The following MATCAP2 variants were observed in gnomAD, a reference collection of about 807,000 sequenced individuals.
The protein encoded by MATCAP2 is microtubule associated tyrosine carboxypeptidase 2.
At chr7:36,338,914 T>C in the MATCAP2 span, among the ~76,000 whole-genome samples, 1 of 152,258 alleles carries the variant, frequency 6.6e-6, no homozygotes, top group Non-Finnish European at 1.5e-5. Flanking sequence ...CAGAAAATCT[T>C]TGAATCCACC....
the MATCAP2 span, among the ~76,000 whole-genome samples, chr7:36,365,644 A>G: frequency 6.6e-6 from 1 of 152,308 alleles, no homozygotes; most frequent in South Asian, 2.1e-4. Context: ...GATTGCAGTG[A>G]GCAGAGACAG....
the MATCAP2 span, among the ~76,000 whole-genome samples, chr7:36,374,523 CT>C: frequency 1.3e-5 from 2 of 152,064 alleles, no homozygotes; most frequent in African/African-American, 2.4e-5. Context: ...AGACTTCTTT[CT>C]TTTTTTCTTT....
chr7:36,340,448 A>AT, the MATCAP2 span, among the ~76,000 whole-genome samples: 3 of 152,210 alleles, frequency 2.0e-5, no homozygotes, highest in African/African-American at 7.2e-5. Flanking sequence ...ACATAACAGC[A>AT]TATCACCTCC....
chr7:36,346,810 G>C, the MATCAP2 span, among the ~76,000 whole-genome samples: 1 of 152,024 alleles, frequency 6.6e-6, no homozygotes, highest in South Asian at 2.1e-4. Flanking sequence ...GCCCGGGCTG[G>C]AGTGCAGTGG....
At chr7:36,350,034 GA>G in the MATCAP2 span, among the ~76,000 whole-genome samples, 2 of 152,192 alleles carry the variant, frequency 1.3e-5, no homozygotes, top group Admixed American at 1.3e-4. Flanking sequence ...TTGCTAAACA[GA>G]ATATCATGTC....
the MATCAP2 span, among the ~76,000 whole-genome samples, chr7:36,337,476 T>A: frequency 6.6e-6 from 1 of 152,170 alleles, no homozygotes; most frequent in Non-Finnish European, 1.5e-5. Flanking sequence ...CTATCTTACA[T>A]GAATTGTGTA....
the MATCAP2 span, chr7:36,366,586 TCA>T: frequency 6.7e-6 from 8 of 1,195,698 alleles, no homozygotes; most frequent in Non-Finnish European, 6.9e-6. Flanking sequence ...TGAAGCTTAA[TCA>T]CACACCTAGC....
the MATCAP2 span, among the ~76,000 whole-genome samples, chr7:36,363,078 G>T: frequency 6.6e-6 from 1 of 152,170 alleles, no homozygotes; most frequent in Non-Finnish European, 1.5e-5. Flanking sequence ...AAGGGTAAAA[G>T]ACTTAGTTGC....
At chr7:36,332,652 G>A in the MATCAP2 span, among the ~76,000 whole-genome samples, 1 of 152,184 alleles carries the variant, frequency 6.6e-6, no homozygotes, top group Non-Finnish European at 1.5e-5. Context: ...CTTAGGCTGG[G>A]CATGGTGGCT....
the MATCAP2 span, among the ~76,000 whole-genome samples, chr7:36,353,000 C>T: frequency 7.9e-5 from 12 of 152,030 alleles, no homozygotes; most frequent in East Asian, 3.9e-4. Flanking sequence ...TCAGGCCCGG[C>T]GCAGTGGCCC....
the MATCAP2 span, among the ~76,000 whole-genome samples, chr7:36,342,261 C>T: frequency 1.3e-5 from 2 of 151,562 alleles, no homozygotes; most frequent in South Asian, 2.1e-4. Context: ...CTCACTGCAA[C>T]GTCTGCCTCC....
At chr7:36,357,522 T>C in the MATCAP2 span, 1 of 1,614,166 alleles carries the variant, frequency 6.2e-7, no homozygotes, top group Admixed American at 1.7e-5. Flanking sequence ...TTGTTGTCAA[T>C]GATCAATGAA....
the MATCAP2 span, among the ~76,000 whole-genome samples, chr7:36,373,432 G>A: frequency 2.0e-5 from 3 of 152,080 alleles, no homozygotes; most frequent in East Asian, 1.9e-4. Context: ...ATTTTTAGGG[G>A]ACAAGCGATC....
At chr7:36,374,951 G>C in the MATCAP2 span, among the ~76,000 whole-genome samples, 2 of 151,698 alleles carry the variant, frequency 1.3e-5, no homozygotes, top group Non-Finnish European at 2.9e-5. Flanking sequence ...ATGGACATTT[G>C]GGGTTGGTTC....
At chr7:36,326,978 GA>G in the MATCAP2 span, 1 of 1,463,468 alleles carries the variant, frequency 6.8e-7, no homozygotes, top group African/African-American at 1.4e-5. Context: ...TTTTAAGGAT[GA>G]ATTTCTTCCC....
the MATCAP2 span, among the ~76,000 whole-genome samples, chr7:36,347,055 G>A: frequency 8.5e-5 from 13 of 152,078 alleles, no homozygotes; most frequent in African/African-American, 2.2e-4. Flanking sequence ...CACCGTGTCC[G>A]GTCTATTTTA....
chr7:36,357,498 G>A, the MATCAP2 span: 2 of 1,613,952 alleles, frequency 1.2e-6, no homozygotes, highest in African/African-American at 1.3e-5. Flanking sequence ...GAGGACAAAT[G>A]TGAAATGCTT....
the MATCAP2 span, chr7:36,326,846 G>T: frequency 2.7e-5 from 44 of 1,613,718 alleles, no homozygotes; most frequent in Non-Finnish European, 3.2e-5. Context: ...CCATGGTCCT[G>T]CAGGAAATGA....
the MATCAP2 span, chr7:36,333,932 C>G: frequency 6.2e-7 from 1 of 1,614,152 alleles, no homozygotes; most frequent in Non-Finnish European, 8.5e-7. Flanking sequence ...CCTTGACAAA[C>G]CTGCCAATAT....
Sources: allele counts gnomAD v4.1 joint callset (sites outside exome capture counted in the v4.1 genomes callset), GRCh38; gene constraint gnomAD v4.1.1; transcripts MANE v1.5; gene names NCBI Gene and HGNC (gene_info 2026-07-23, HGNC 2026-07-21).